ALPK1: variants seen among roughly 807,000 people sequenced by gnomAD.
The protein encoded by ALPK1 is alpha kinase 1.
Under a neutral mutation model 120.6 loss-of-function variants are expected in ALPK1, and 110 were observed. That is an observed-to-expected ratio of 0.91 (90% CI 0.78 to 1.07). The LOEUF (loss-of-function observed/expected upper bound fraction) is 1.07, where lower values mean the gene tolerates loss of function less well. Among genes scored for constraint, ALPK1 ranks in the 50% least tolerant of loss-of-function variants. The probability of loss-of-function intolerance (pLI) is 0.00; values close to 1 mark genes in which losing one functional copy is unlikely to be tolerated. For synonymous variants in ALPK1, 582 were observed against 560.3 expected, an observed-to-expected ratio of 1.04 and a Z score of -0.55; for missense variants, 1,498 against 1,483.9, an observed-to-expected ratio of 1.01 and a Z score of -0.16.
chr4:112,308,385 C>A (rs1728219834), intron 1 of ALPK1, among the ~76,000 whole-genome samples: 1 of 152,108 alleles, frequency 6.6e-6, no homozygotes, highest in African/African-American at 2.4e-5. Context: ...TCAGGTACAC[C>A]AATCAGACAT....
chr4:112,305,182 A>G (rs1005190044), intron 1 of ALPK1, among the ~76,000 whole-genome samples: 3 of 151,882 alleles, frequency 2.0e-5, no homozygotes, highest in Non-Finnish European at 4.4e-5. Flanking sequence ...GTCAGGTAGC[A>G]TGATGCCTCC....
chr4:112,405,604 CT>C (rs1176791446), intron 4 of ALPK1, among the ~76,000 whole-genome samples: 1 of 152,086 alleles, frequency 6.6e-6, no homozygotes, highest in Non-Finnish European at 1.5e-5. Flanking sequence ...GAGATAGAGT[CT>C]TGCTGTGTCA....
Position 112,356,165 on chromosome 4 carries a change from G to A in ALPK1, c.-100-21513G>A, listed in dbSNP as rs1055835672. ...CAAGATAGTCCTGAATGGTGTGACC[G>A]TAGACTTCCCTTCCCAGCCCTACAA... On this transcript the variant is annotated intron_variant, in intron 2 of 15. Coordinates refer to ENST00000650871, the MANE Select transcript of ALPK1 (RefSeq NM_025144.4). 5.6e-6 allele frequency: 9 copies of A among 1,606,444 alleles called. No individual in the cohort carries two copies. In the African/African-American group the frequency reaches 8.0e-5, roughly 14 times the overall value.
chr4:112,328,556 C>T (rs1729217343), intron 2 of ALPK1, among the ~76,000 whole-genome samples: 1 of 152,194 alleles, frequency 6.6e-6, no homozygotes, highest in African/African-American at 2.4e-5. Flanking sequence ...GACCAATTAC[C>T]ATCCTTTATT....
chr4:112,325,155 A>G (rs1234146596), intron 2 of ALPK1, among the ~76,000 whole-genome samples: 3 of 152,234 alleles, frequency 2.0e-5, no homozygotes, highest in Non-Finnish European at 4.4e-5. Flanking sequence ...TATACAAAGT[A>G]ATCACTGATG....
At chr4:112,406,177 C>T (rs898980699) in intron 4 of ALPK1, among the ~76,000 whole-genome samples, 8 of 151,992 alleles carry the variant, frequency 5.3e-5, no homozygotes, top group Admixed American at 3.9e-4. Context: ...ATTTGCACAC[C>T]TATGTCCATG....
At chr4:112,424,047 G>A (rs1734122672) in intron 6 of ALPK1, 44 bp downstream of exon 6, 5 of 1,564,104 alleles carry the variant, frequency 3.2e-6, no homozygotes, top group East Asian at 2.2e-5. Flanking sequence ...CCTCAGCCCC[G>A]AACAGAGCAC....
chr4:112,300,114 T>C (rs1024544701), intron 1 of ALPK1, among the ~76,000 whole-genome samples: 4 of 152,030 alleles, frequency 2.6e-5, no homozygotes, highest in Non-Finnish European at 4.4e-5. Context: ...AGCATTCTCA[T>C]AAAAGGGGGA....
At chr4:112,371,894 G>A (rs1731426059) in intron 2 of ALPK1, among the ~76,000 whole-genome samples, 1 of 152,114 alleles carries the variant, frequency 6.6e-6, no homozygotes, top group South Asian at 2.1e-4. Flanking sequence ...TAAACAACAT[G>A]GTCTATTTAG....
intron 4 of ALPK1, among the ~76,000 whole-genome samples, chr4:112,409,682 A>G (rs1432082019): frequency 1.3e-5 from 2 of 152,194 alleles, no homozygotes; most frequent in African/African-American, 4.8e-5. Context: ...AAAAGGAAGA[A>G]GAGAAGTCAT....
At chr4:112,398,895 G>A (rs910361878) in intron 4 of ALPK1, among the ~76,000 whole-genome samples, 4 of 152,134 alleles carry the variant, frequency 2.6e-5, no homozygotes, top group African/African-American at 4.8e-5. Flanking sequence ...AGTCACAAAC[G>A]TGGAGTCAAA....
At position 112,377,844 on chromosome 4, in the gene ALPK1, T is replaced by C. The variant is rs757271411; in HGVS notation, c.67T>C (p.Leu23=). The change falls in exon 3 of 16, where the codon TTG becomes CTG. Residue 23 remains leucine, a synonymous_variant. Coordinates refer to ENST00000650871, the MANE Select transcript of ALPK1 (RefSeq NM_025144.4). ...CAAGCAAGTGCTGGATCAGCTCTTG[T>C]TGGAAGCGCCAGATGTGTCGGAAGA... ...ECKQVLDQLL[L]EAPDVSEEDK... is the part of the protein sequence containing the mutation. 3.7e-6 allele frequency: 6 copies of C among 1,613,592 alleles called. No homozygotes were observed. Among genetic ancestry groups the C allele is most frequent in the Non-Finnish European group, 5.1e-6 (6 of 1,179,706 alleles).
intron 3 of ALPK1, among the ~76,000 whole-genome samples, chr4:112,380,976 T>C (rs1391658714): frequency 6.6e-6 from 1 of 152,134 alleles, no homozygotes; most frequent in Non-Finnish European, 1.5e-5. Context: ...AATGTTTGCA[T>C]TGAGTGCTGA....
chr4:112,350,313 C>T (rs898921042), intron 2 of ALPK1, among the ~76,000 whole-genome samples: 1 of 152,216 alleles, frequency 6.6e-6, no homozygotes, highest in Non-Finnish European at 1.5e-5. Flanking sequence ...GATCCTTAAT[C>T]CGCACATTTC....
intron 1 of ALPK1, among the ~76,000 whole-genome samples, chr4:112,308,311 G>A (rs920322552): frequency 1.7e-4 from 26 of 152,088 alleles, no homozygotes; most frequent in Non-Finnish European, 2.6e-4. Context: ...CTAGGTTGGG[G>A]AAGTTGTCCT....
In ALPK1 at chr4:112,441,076, C is replaced by T. The variant is rs1560692687; in HGVS notation, c.3698C>T (p.Ser1233Phe). The change falls in exon 15 of 16, where the codon TCT (serine) becomes TTT (phenylalanine). Residue 1233 changes from serine to phenylalanine, a missense_variant. Ser to Phe is a radical substitution (Grantham distance 155). Coordinates refer to ENST00000650871, the MANE Select transcript of ALPK1 (RefSeq NM_025144.4). ...TGTAATGAAATCTGCCATCGTCTTTCTTTGACTAGACCTTCAATGGAGAAA... is the reference window on the plus strand; with the variant it reads ...TGTAATGAAATCTGCCATCGTCTTTTTTTGACTAGACCTTCAATGGAGAAA... The part of the protein sequence containing the change: ...VECNEICHRL[S>F]LTRPSMEKPC... 1.2e-6 allele frequency: 2 copies of T among 1,613,930 alleles called. No homozygotes were observed. The highest frequency in any genetic ancestry group is 1.7e-6 in the Non-Finnish European group (2 of 1,179,868).
intron 4 of ALPK1, among the ~76,000 whole-genome samples, chr4:112,389,493 C>T (rs1353636672): frequency 6.6e-6 from 1 of 152,206 alleles, no homozygotes; most frequent in African/African-American, 2.4e-5. Flanking sequence ...AAGAACCTTG[C>T]TCCAGCCAAA....
chr4:112,356,968 C>A (rs72666237), intron 2 of ALPK1: 18,619 of 767,408 alleles, frequency 0.024, 299 homozygotes, highest in Non-Finnish European at 0.032. Flanking sequence ...ACGTCATAGA[C>A]CAGGTGCTGG....
intron 4 of ALPK1, among the ~76,000 whole-genome samples, chr4:112,391,125 C>A (rs545181445): frequency 2.0e-5 from 3 of 152,200 alleles, no homozygotes; most frequent in Non-Finnish European, 4.4e-5. Flanking sequence ...AATATACCTT[C>A]CCATGGAGAT....
Sources: gnomAD v4.1 joint callset for allele counts (sites outside exome capture counted in the v4.1 genomes callset) on GRCh38, gnomAD v4.1.1 for gene constraint, MANE v1.5 for transcripts, NCBI Gene and HGNC (gene_info 2026-07-23, HGNC 2026-07-21) for gene names.